Variants in PDZRN3 observed in about 807,000 individuals in gnomAD.
PDZRN3 encodes the protein E3 ubiquitin-protein ligase PDZRN3.
PDZRN3 carries 38 observed loss-of-function variants against 85.7 expected under a neutral mutation model. That is an observed-to-expected ratio of 0.44 (90% CI 0.34 to 0.58). PDZRN3 has a LOEUF of 0.58. Ranked by LOEUF, PDZRN3 falls within the 20% of genes least tolerant of loss-of-function variation. The pLI, the probability that PDZRN3 is intolerant of heterozygous loss-of-function variation, is 0.01. For missense variants in PDZRN3, 1,629 were observed against 1,506.4 expected (o/e 1.08, Z -1.35); for synonymous variants, 759 against 638.0 (o/e 1.19, Z -2.86).
At chr3:73,421,608 A>G (rs1438762451) in intron 3 of PDZRN3, among the ~76,000 whole-genome samples, 1 of 152,212 alleles carries the variant, frequency 6.6e-6, no homozygotes, top group African/African-American at 2.4e-5. Context: ...AAGATATAAG[A>G]TATCACCTTG....
chr3:73,593,620 T>C (rs1702392006), intron 3 of PDZRN3, among the ~76,000 whole-genome samples: 1 of 152,014 alleles, frequency 6.6e-6, no homozygotes, highest in Admixed American at 6.6e-5. Context: ...AGGAAATACA[T>C]AAGCAGGTGT....
At chr3:73,397,845 T>G (rs563040003) in intron 5 of PDZRN3, among the ~76,000 whole-genome samples, 50 of 152,088 alleles carry the variant, frequency 3.3e-4, no homozygotes, top group Non-Finnish European at 5.3e-4. Flanking sequence ...TCCTGGCTGC[T>G]ATGGACTCAG....
In PDZRN3 at chr3:73,430,464, C is replaced by T. The variant is rs150998178; in HGVS notation, c.919-26069G>A. Among the ~76,000 whole-genome samples, 24 of 152,254 alleles carry T rather than the reference C, an allele frequency of 1.6e-4. No homozygotes were observed. The East Asian group carries it at 3.3e-3, about 21-fold the overall frequency. ...CACCATTTTACAAAAAGTCTCTGGT[C>T]GATGTTAGAAGAGGTGGAGGGAGTA... On this transcript the variant is annotated intron_variant, in intron 3 of 9. Transcript: ENST00000263666.
At chr3:73,532,101 C>T (rs550790645) in intron 3 of PDZRN3, among the ~76,000 whole-genome samples, 1 of 152,218 alleles carries the variant, frequency 6.6e-6, no homozygotes, top group African/African-American at 2.4e-5. Context: ...TCCAGGTTCA[C>T]GCCATTCTCC....
At chr3:73,548,768 CAGTGTGTCTGAGTCAAGAAAAT>C (rs1260361383) in intron 3 of PDZRN3, among the ~76,000 whole-genome samples, 1 of 152,098 alleles carries the variant, frequency 6.6e-6, no homozygotes, top group Non-Finnish European at 1.5e-5. Flanking sequence ...GTCAGAAAGC[CAGTGTGTCTGAGTCAAGAAAAT>C]AGATTGTCGC....
In PDZRN3 at chr3:73,389,457, C is replaced by T. The variant is rs1277298577; in HGVS notation, c.1416+359G>A. 3.3e-5 allele frequency among the ~76,000 whole-genome samples: 5 copies of T among 152,148 alleles called. No individual in the cohort carries two copies. In the East Asian group the frequency reaches 7.7e-4, roughly 23 times the overall value. ...GTTAATCTTTCAGAGAAATCTAAAA[C>T]GAGAATTATTTTAGTTCACAAGTTG... On this transcript the variant is annotated intron_variant, in intron 7 of 9. Transcript: ENST00000263666.
chr3:73,517,093 T>C (rs777252820), intron 3 of PDZRN3, among the ~76,000 whole-genome samples: 1 of 152,170 alleles, frequency 6.6e-6, no homozygotes. Flanking sequence ...TCCAAACATC[T>C]GAAAGGAGGT....
At chr3:73,526,544 T>C (rs1180661200) in intron 3 of PDZRN3, among the ~76,000 whole-genome samples, 1 of 152,162 alleles carries the variant, frequency 6.6e-6, no homozygotes, top group African/African-American at 2.4e-5. Context: ...AAGTACAATA[T>C]ATCTATGAAG....
chr3:73,578,699 T>C (rs567814896), intron 3 of PDZRN3, among the ~76,000 whole-genome samples: 1 of 152,164 alleles, frequency 6.6e-6, no homozygotes, highest in South Asian at 2.1e-4. Flanking sequence ...ATTTCTTTCT[T>C]ATTTCAAAGA....
At chr3:73,507,162 G>T (rs1170990573) in intron 3 of PDZRN3, among the ~76,000 whole-genome samples, 2 of 90,906 alleles carry the variant, frequency 2.2e-5, no homozygotes, top group Admixed American at 1.4e-4. Flanking sequence ...TATAAGCATA[G>T]ATTTCATTCT....
intron 5 of PDZRN3, among the ~76,000 whole-genome samples, chr3:73,391,669 A>G (rs1415653547): frequency 6.6e-6 from 1 of 152,230 alleles, no homozygotes; most frequent in Non-Finnish European, 1.5e-5. Flanking sequence ...TTCAGCCGCT[A>G]TTACTGCAAA....
chr3:73,484,641 T>C (rs917373821), intron 3 of PDZRN3, among the ~76,000 whole-genome samples: 8 of 152,288 alleles, frequency 5.3e-5, no homozygotes, highest in Admixed American at 4.6e-4. Flanking sequence ...GAGAGAAATG[T>C]AGCAGTACCT....
chr3:73,458,061 C>T (rs373143951), intron 3 of PDZRN3, among the ~76,000 whole-genome samples: 97 of 152,272 alleles, frequency 6.4e-4, no homozygotes, highest in Admixed American at 1.6e-3. Flanking sequence ...GCTCAGAGAC[C>T]GAGGTTCTGT....
chr3:73,416,951 G>A (rs918032386), intron 3 of PDZRN3, among the ~76,000 whole-genome samples: 6 of 136,796 alleles, frequency 4.4e-5, no homozygotes, highest in African/African-American at 1.7e-4. Context: ...GAGTGCAGTG[G>A]TACAATCTTG....
At chr3:73,442,009 T>A (rs899299032) in intron 3 of PDZRN3, among the ~76,000 whole-genome samples, 13 of 152,130 alleles carry the variant, frequency 8.5e-5, no homozygotes, top group Non-Finnish European at 1.8e-4. Flanking sequence ...CCATGGGTAA[T>A]CTCTTTGCCC....
At chr3:73,440,160 T>C (rs1702606972) in intron 3 of PDZRN3, among the ~76,000 whole-genome samples, 1 of 152,216 alleles carries the variant, frequency 6.6e-6, no homozygotes, top group Non-Finnish European at 1.5e-5. Flanking sequence ...TGCCTGAGAC[T>C]GATGGCTCAC....
chr3:73,391,644 A>G (rs2106694315), intron 5 of PDZRN3, among the ~76,000 whole-genome samples: 1 of 152,376 alleles, frequency 6.6e-6, no homozygotes, highest in African/African-American at 2.4e-5. Flanking sequence ...TGATATTTAC[A>G]GTTGAGAAAT....
intron 3 of PDZRN3, among the ~76,000 whole-genome samples, chr3:73,435,714 C>T (rs1702518297): frequency 1.3e-5 from 2 of 152,180 alleles, no homozygotes; most frequent in Non-Finnish European, 2.9e-5. Context: ...CCCAGAGCCT[C>T]CTGGGTGCTC....
chr3:73,389,958 A>T, intron 6 of PDZRN3, 80 bp from the exon 7 acceptor site: 2 of 994,512 alleles, frequency 2.0e-6, no homozygotes, highest in South Asian at 2.6e-5. Context: ...ACCATTTCTA[A>T]AACACAGTCA....
Sources: allele counts gnomAD v4.1 joint callset (sites outside exome capture counted in the v4.1 genomes callset), GRCh38; gene constraint gnomAD v4.1.1; transcripts MANE v1.5; gene names NCBI Gene and HGNC (gene_info 2026-07-23, HGNC 2026-07-21).